The following ARHGAP15 variants were observed in gnomAD, a reference collection of about 807,000 sequenced individuals.
The protein encoded by ARHGAP15 is rho GTPase-activating protein 15.
In ARHGAP15, 51 loss-of-function variants were observed where a neutral mutation model predicts 63.7. The ratio of observed to expected loss-of-function variants is 0.80; its 90% CI spans 0.64 to 1.01. The LOEUF is 1.01. Ranked by LOEUF, ARHGAP15 falls within the 50% of genes least tolerant of loss-of-function variation. The pLI is 0.00. For synonymous variants in ARHGAP15, 191 were observed against 193.8 expected (o/e 0.99, Z 0.12); for missense variants, 560 against 564.6 (o/e 0.99, Z 0.08).
chr2:143,415,732 C>T (rs1490160485), intron 6 of ARHGAP15, among the ~76,000 whole-genome samples: 1 of 152,044 alleles, frequency 6.6e-6, no homozygotes, highest in Non-Finnish European at 1.5e-5. Context: ...ACCAAATGCC[C>T]ATTAATCAAC....
chr2:143,441,843 T>A (rs370349637), intron 8 of ARHGAP15, among the ~76,000 whole-genome samples: 2 of 152,322 alleles, frequency 1.3e-5, no homozygotes, highest in East Asian at 3.9e-4. Context: ...AACAAATGTG[T>A]TCTGGGTGAA....
rs992320332 is a variant in ARHGAP15, at chr2:143,657,302, G to A, written c.1138+33035G>A. Among the ~76,000 whole-genome samples, 4 of 152,132 alleles carry A rather than the reference G, an allele frequency of 2.6e-5. No homozygotes were observed. The South Asian group carries it at 6.2e-4, about 24-fold the overall frequency. On this transcript the variant is annotated intron_variant, in intron 12 of 13. Transcript: ENST00000295095. ...GCGGAGCTTGCAGTGAGCCGAGATC[G>A]CGCCACTGCACTCCAGCCTGGGCAA... is the stretch of plus-strand genomic sequence containing the variant.
intron 6 of ARHGAP15, among the ~76,000 whole-genome samples, chr2:143,321,755 G>A (rs1016931471): frequency 1.3e-5 from 2 of 152,178 alleles, no homozygotes; most frequent in Admixed American, 1.3e-4. Context: ...GGAGTGTAAT[G>A]GCACTGTCAC....
rs547652451 is a variant in ARHGAP15, at chr2:143,230,102, G to A, written c.384+1434G>A. ...CAAAACAACTACCATCCACTTGCAG[G>A]TCCTTTGTCTTCCCTTTGAATGAGC... On this transcript the variant is annotated intron_variant, in intron 5 of 13. Coordinates refer to ENST00000295095, the MANE Select transcript of ARHGAP15 (RefSeq NM_018460.4). Among the ~76,000 whole-genome samples the A allele has an allele frequency of 2.6e-5, 4 of 152,252 alleles. No homozygotes were observed. The South Asian group carries it at 6.2e-4, about 24-fold the overall frequency.
chr2:143,370,361 G>C (rs932815857), intron 6 of ARHGAP15, among the ~76,000 whole-genome samples: 7 of 152,212 alleles, frequency 4.6e-5, no homozygotes, highest in Middle Eastern at 3.4e-3. Flanking sequence ...GGTGGGGGAA[G>C]GGGGGAGGGA....
At chr2:143,259,647 C>T (rs867785469) in intron 6 of ARHGAP15, among the ~76,000 whole-genome samples, 17 of 152,074 alleles carry the variant, frequency 1.1e-4, no homozygotes, top group South Asian at 2.1e-4. Context: ...TAAAGAAGAG[C>T]TTTAAGTGGT....
intron 13 of ARHGAP15, among the ~76,000 whole-genome samples, chr2:143,763,758 G>A (rs11674304): frequency 0.048 from 7,011 of 147,330 alleles, 327 homozygotes; most frequent in East Asian, 0.18. Context: ...GTATATGTAT[G>A]TATATAAATA....
chr2:143,174,776 T>A (rs1349955041), intron 2 of ARHGAP15, among the ~76,000 whole-genome samples: 1 of 152,156 alleles, frequency 6.6e-6, no homozygotes, highest in Non-Finnish European at 1.5e-5. Context: ...ACAATGGAGC[T>A]ACTCAATGGT....
intron 12 of ARHGAP15, among the ~76,000 whole-genome samples, chr2:143,670,717 C>T (rs12691689): frequency 0.24 from 37,140 of 152,086 alleles, 5,659 homozygotes; most frequent in Admixed American, 0.36. Context: ...ATTCCATCAT[C>T]AGGTCCACTG....
chr2:143,427,233 CTTA>C (rs1469549940), intron 6 of ARHGAP15, among the ~76,000 whole-genome samples: 1 of 152,088 alleles, frequency 6.6e-6, no homozygotes, highest in Non-Finnish European at 1.5e-5. Flanking sequence ...ACTCTCAGTA[CTTA>C]TTAATAGGAG....
intron 6 of ARHGAP15, among the ~76,000 whole-genome samples, chr2:143,358,348 C>T (rs1382083158): frequency 6.6e-6 from 1 of 152,104 alleles, no homozygotes; most frequent in East Asian, 1.9e-4. Flanking sequence ...TCTGTCTTGT[C>T]CCTAAGCCAG....
intron 13 of ARHGAP15, among the ~76,000 whole-genome samples, chr2:143,746,275 C>T (rs1446967420): frequency 2.1e-5 from 3 of 146,084 alleles, no homozygotes; most frequent in Non-Finnish European, 4.6e-5. Flanking sequence ...ATATTTTGCA[C>T]TTACCAAATT....
At position 143,768,148 on chromosome 2, in the gene ARHGAP15, G is replaced by A; in HGVS notation, c.1404G>A (p.Lys468=). ...IAELMLSEYS[K]IFGSEED is the part of the protein sequence containing the mutation. ...AGCTCATGCTGAGTGAGTACAGTAA[G>A]ATCTTCGGCTCAGAGGAAGACTGAC... Residue 468 remains lysine, a synonymous_variant, in exon 14 of 14, where the codon AAG becomes AAA. Coordinates refer to ENST00000295095, the MANE Select transcript of ARHGAP15 (RefSeq NM_018460.4). The A allele has an allele frequency of 6.2e-7, 1 of 1,613,526 alleles. No individual in the cohort carries two copies. Among genetic ancestry groups the A allele is most frequent in the Non-Finnish European group, 8.5e-7 (1 of 1,179,612 alleles).
chr2:143,202,686 C>T (rs1446811189), intron 3 of ARHGAP15, among the ~76,000 whole-genome samples: 2 of 152,028 alleles, frequency 1.3e-5, no homozygotes, highest in Admixed American at 1.3e-4. Context: ...GTCTAGTTCA[C>T]ACAAGGGGAG....
intron 6 of ARHGAP15, among the ~76,000 whole-genome samples, chr2:143,373,701 G>A (rs1686678508): frequency 7.1e-6 from 1 of 140,538 alleles, no homozygotes; most frequent in African/African-American, 2.6e-5. Flanking sequence ...CAAGATGAAA[G>A]AGCAATTACT....
At chr2:143,235,656 G>A (rs1333431996) in intron 5 of ARHGAP15, among the ~76,000 whole-genome samples, 1 of 152,200 alleles carries the variant, frequency 6.6e-6, no homozygotes, top group African/African-American at 2.4e-5. Flanking sequence ...CTATTGTAGG[G>A]CCAAAGCAAG....
chr2:143,394,340 C>T (rs754687692), intron 6 of ARHGAP15, among the ~76,000 whole-genome samples: 1 of 152,146 alleles, frequency 6.6e-6, no homozygotes, highest in Admixed American at 6.6e-5. Context: ...ACACAAATGA[C>T]TCTCTCCCTT....
intron 1 of ARHGAP15, among the ~76,000 whole-genome samples, chr2:143,135,657 T>C (rs766961157): frequency 3.9e-5 from 6 of 152,202 alleles, no homozygotes; most frequent in Admixed American, 6.5e-5. Flanking sequence ...CTGAGCTGCA[T>C]TTGATGCTAT....
At chr2:143,136,502 T>C (rs1024735752) in intron 1 of ARHGAP15, among the ~76,000 whole-genome samples, 13 of 152,232 alleles carry the variant, frequency 8.5e-5, no homozygotes, top group African/African-American at 2.9e-4. Context: ...GATTTGTACA[T>C]GTTTGAATTA....
Sources: gnomAD v4.1 joint callset for allele counts (sites outside exome capture counted in the v4.1 genomes callset) on GRCh38, gnomAD v4.1.1 for gene constraint, MANE v1.5 for transcripts, NCBI Gene and HGNC (gene_info 2026-07-23, HGNC 2026-07-21) for gene names.